RCBTB1: variants seen among roughly 807,000 people sequenced by gnomAD.
The protein encoded by RCBTB1 is RCC1 and BTB domain-containing protein 1.
A neutral mutation model predicts 62.4 loss-of-function variants in RCBTB1; 46 were observed. That is an observed-to-expected ratio of 0.74 (90% CI 0.58 to 0.94). RCBTB1 has a LOEUF of 0.94. Among genes scored for constraint, RCBTB1 ranks in the 40% least tolerant of loss-of-function variants. RCBTB1 has a pLI of 0.00. For synonymous variants in RCBTB1, 222 were observed against 245.8 expected, an observed-to-expected ratio of 0.90 and a Z score of 0.91; for missense variants, 565 against 654.9, an observed-to-expected ratio of 0.86 and a Z score of 1.50.
chr13:49,554,603 T>G (rs964699846), intron 6 of RCBTB1, among the ~76,000 whole-genome samples: 3 of 151,650 alleles, frequency 2.0e-5, no homozygotes, highest in Non-Finnish European at 4.4e-5. Flanking sequence ...GGCAAGGGAG[T>G]ATTACTGCCT....
rs769106452 is a variant in RCBTB1, at chr13:49,552,258, C to T, written c.631G>A (p.Gly211Ser). The T allele has an allele frequency of 5.0e-6, 8 of 1,601,872 alleles. No homozygotes were observed. The highest frequency in any genetic ancestry group is 1.7e-4 in the Middle Eastern group (1 of 5,948). The change falls in exon 7 of 13, where the codon GGT becomes AGT. Residue 211 changes from glycine to serine, a missense_variant. Physicochemically the swap from Gly to Ser is moderately conservative, Grantham distance 56. Coordinates refer to ENST00000378302, the MANE Select transcript of RCBTB1 (RefSeq NM_018191.4). ...CCATTGTTTCCCAGGCCCAGCTGAC[C>T]GTTGCCATTGTAACCCCAGCCATAT... ...EVYGWGYNGNGQLGLGNNGNQ... is the reference protein window; with the variant it reads ...EVYGWGYNGNSQLGLGNNGNQ...
chr13:49,551,175 G>C (rs1961305251), intron 8 of RCBTB1, 151 bp downstream of exon 8: 1 of 787,338 alleles, frequency 1.3e-6, no homozygotes, highest in Non-Finnish European at 2.0e-6. Flanking sequence ...AAGGAGGAAG[G>C]GGGAAGGGAG....
chr13:49,539,029 C>A (rs1960148524), intron 12 of RCBTB1, among the ~76,000 whole-genome samples: 1 of 151,894 alleles, frequency 6.6e-6, no homozygotes, highest in Non-Finnish European at 1.5e-5. Context: ...ACCACCACAC[C>A]CAGCTAATTT....
chr13:49,548,326 C>G (rs1013730798), intron 9 of RCBTB1, among the ~76,000 whole-genome samples: 2 of 150,028 alleles, frequency 1.3e-5, no homozygotes, highest in African/African-American at 4.9e-5. Context: ...GAGGCGGAGG[C>G]TGCAGTGAGC....
chr13:49,562,560 T>C (rs1039964986), intron 4 of RCBTB1, among the ~76,000 whole-genome samples: 1 of 149,752 alleles, frequency 6.7e-6, no homozygotes, highest in Non-Finnish European at 1.5e-5. Flanking sequence ...CCAGAATCTC[T>C]AACTTTCTAA....
At chr13:49,585,011 A>C (rs1387947151) in intron 1 of RCBTB1, among the ~76,000 whole-genome samples, 2 of 152,202 alleles carry the variant, frequency 1.3e-5, no homozygotes, top group East Asian at 3.8e-4. Flanking sequence ...ACGGTTTGTG[A>C]CAGCACTACT....
intron 6 of RCBTB1, among the ~76,000 whole-genome samples, chr13:49,554,905 G>C (rs1961716987): frequency 6.6e-6 from 1 of 152,184 alleles, no homozygotes; most frequent in Non-Finnish European, 1.5e-5. Flanking sequence ...TAATATCTTT[G>C]TATAATTTTC....
intron 9 of RCBTB1, chr13:49,547,080 C>T (rs543867640): frequency 1.6e-6 from 2 of 1,277,362 alleles, no homozygotes; most frequent in Non-Finnish European, 2.0e-6. Flanking sequence ...AAGATGTGTA[C>T]AGAAGTGCTT....
chr13:49,548,651 A>G (rs1419776848), intron 9 of RCBTB1, among the ~76,000 whole-genome samples: 1 of 151,970 alleles, frequency 6.6e-6, no homozygotes, highest in Non-Finnish European at 1.5e-5. Flanking sequence ...ACAGAGACAT[A>G]TTACGTCAAT....
chr13:49,537,003 T>G (rs1475611478), intron 12 of RCBTB1, among the ~76,000 whole-genome samples: 1 of 152,270 alleles, frequency 6.6e-6, no homozygotes, highest in Non-Finnish European at 1.5e-5. Flanking sequence ...AGAGCATTGA[T>G]GGTCTTAATA....
At chr13:49,547,734 G>C (rs1216438252) in intron 9 of RCBTB1, among the ~76,000 whole-genome samples, 1 of 152,110 alleles carries the variant, frequency 6.6e-6, no homozygotes, top group Non-Finnish European at 1.5e-5. Flanking sequence ...TCAGTTGAAA[G>C]ACAAAGATAG....
chr13:49,556,821 G>A (rs191931960), intron 5 of RCBTB1, among the ~76,000 whole-genome samples: 1 of 152,258 alleles, frequency 6.6e-6, no homozygotes, highest in African/African-American at 2.4e-5. Flanking sequence ...TTAATATTCA[G>A]TATAATTATT....
chr13:49,565,685 G>A (rs1338712136), intron 4 of RCBTB1, among the ~76,000 whole-genome samples: 1 of 148,926 alleles, frequency 6.7e-6, no homozygotes, highest in Non-Finnish European at 1.5e-5. Context: ...TGAGAAGTGA[G>A]GAGCCCCTCC....
chr13:49,572,203 T>G (rs979140940), intron 2 of RCBTB1, among the ~76,000 whole-genome samples: 1 of 152,030 alleles, frequency 6.6e-6, no homozygotes, highest in Non-Finnish European at 1.5e-5. Context: ...GGCATGCACC[T>G]GGTGTCCCAG....
At chr13:49,569,878 A>G (rs1396101428) in intron 2 of RCBTB1, among the ~76,000 whole-genome samples, 1 of 152,078 alleles carries the variant, frequency 6.6e-6, no homozygotes, top group Non-Finnish European at 1.5e-5. Flanking sequence ...GCTGCACTCT[A>G]ACCTGGGTGA....
intron 6 of RCBTB1, 135 bp downstream of exon 6, chr13:49,555,380 A>T (rs984349595): frequency 2.7e-6 from 2 of 732,786 alleles, no homozygotes; most frequent in African/African-American, 1.8e-5. Flanking sequence ...CTCAGTCAGT[A>T]ATCAGTTAAC....
At chr13:49,552,423 A>C (rs1961452125) in intron 6 of RCBTB1, 138 bp from the exon 7 acceptor site, 4 of 577,654 alleles carry the variant, frequency 6.9e-6, no homozygotes, top group Non-Finnish European at 1.2e-5. Context: ...ACTGATCTCC[A>C]AACAGAAGCT....
At chr13:49,567,827 C>G (rs1963129520) in intron 2 of RCBTB1, among the ~76,000 whole-genome samples, 1 of 152,198 alleles carries the variant, frequency 6.6e-6, no homozygotes, top group Non-Finnish European at 1.5e-5. Context: ...TAAACGCCGT[C>G]AAATCAGGCT....
intron 4 of RCBTB1, among the ~76,000 whole-genome samples, chr13:49,565,965 C>G (rs1204056964): frequency 6.6e-6 from 1 of 150,680 alleles, no homozygotes; most frequent in Non-Finnish European, 1.5e-5. Flanking sequence ...GACCTTACCC[C>G]CAACCTGGTG....
Sources: allele counts gnomAD v4.1 joint callset (sites outside exome capture counted in the v4.1 genomes callset), GRCh38; gene constraint gnomAD v4.1.1; transcripts MANE v1.5; gene names NCBI Gene and HGNC (gene_info 2026-07-23, HGNC 2026-07-21).